Variants in ERBB4 observed in about 807,000 individuals in gnomAD.
ERBB4 encodes the protein erb-b2 receptor tyrosine kinase 4, also known as receptor tyrosine-protein kinase erbB-4.
ERBB4 carries 42 observed loss-of-function variants against 158.0 expected under a neutral mutation model. That is an observed-to-expected ratio of 0.27 (90% CI 0.21 to 0.34). The LOEUF (loss-of-function observed/expected upper bound fraction) is 0.34, where lower values mean the gene tolerates loss of function less well. ERBB4 is among the 10% of genes least tolerant of loss of function. The probability of loss-of-function intolerance (pLI) is 1.00; values close to 1 mark genes in which losing one functional copy is unlikely to be tolerated. For missense variants in ERBB4, 1,333 were observed against 1,624.1 expected (o/e 0.82, Z 3.08); for synonymous variants, 583 against 558.7 (o/e 1.04, Z -0.61).
At chr2:211,594,451 A>AAC (rs1184454593) in intron 19 of ERBB4, among the ~76,000 whole-genome samples, 4 of 150,584 alleles carry the variant, frequency 2.7e-5, no homozygotes, top group Admixed American at 1.3e-4. Context: ...CAAAAATAAC[A>AAC]AATAAAAAAA....
chr2:211,773,875 T>C (rs942333376), intron 4 of ERBB4, among the ~76,000 whole-genome samples: 9 of 151,574 alleles, frequency 5.9e-5, no homozygotes, highest in Non-Finnish European at 8.8e-5. Flanking sequence ...GAATCTTCAA[T>C]AGTGGCAACA....
chr2:211,608,867 G>T (rs2069083604), intron 19 of ERBB4, among the ~76,000 whole-genome samples: 1 of 152,092 alleles, frequency 6.6e-6, no homozygotes, highest in African/African-American at 2.4e-5. Context: ...CAGTTAATTT[G>T]GATGGAAATC....
At chr2:212,329,337 T>C (rs907003560) in intron 1 of ERBB4, among the ~76,000 whole-genome samples, 15 of 152,098 alleles carry the variant, frequency 9.9e-5, no homozygotes, top group South Asian at 8.3e-4. Context: ...CTTGAGACTA[T>C]AGAATTGCTT....
intron 25 of ERBB4, among the ~76,000 whole-genome samples, chr2:211,397,165 C>CATAG (rs1428683495): frequency 6.6e-6 from 1 of 151,938 alleles, no homozygotes; most frequent in African/African-American, 2.4e-5. Context: ...ACCTGTTGAC[C>CATAG]ATAGTCTAAG....
chr2:212,056,457 G>A (rs1288075893), intron 2 of ERBB4, among the ~76,000 whole-genome samples: 2 of 152,006 alleles, frequency 1.3e-5, no homozygotes, highest in Non-Finnish European at 2.9e-5. Flanking sequence ...GAGAAGAGCA[G>A]CTCCAAGACA....
intron 20 of ERBB4, among the ~76,000 whole-genome samples, chr2:211,477,934 G>A (rs1327208822): frequency 6.6e-6 from 1 of 152,084 alleles, no homozygotes; most frequent in African/African-American, 2.4e-5. Context: ...GACTATTCAG[G>A]TGGGTTGAGA....
chr2:211,457,915 C>G (rs1468840244), intron 20 of ERBB4, among the ~76,000 whole-genome samples: 1 of 152,220 alleles, frequency 6.6e-6, no homozygotes, highest in Non-Finnish European at 1.5e-5. Flanking sequence ...ATCACGTTAA[C>G]TCACAAAATT....
intron 20 of ERBB4, 109 bp from the exon 21 acceptor site, chr2:211,431,209 G>A: frequency 2.1e-6 from 2 of 938,274 alleles, no homozygotes; most frequent in South Asian, 1.4e-5. Flanking sequence ...TTTTTTAAGT[G>A]AAGCCAGAAT....
chr2:211,794,189 T>C (rs948007652), intron 3 of ERBB4, among the ~76,000 whole-genome samples: 1 of 151,966 alleles, frequency 6.6e-6, no homozygotes, highest in African/African-American at 2.4e-5. Flanking sequence ...AACTTATTAA[T>C]ACATACTTCA....
At chr2:212,065,717 TG>T (rs2077923604) in intron 2 of ERBB4, among the ~76,000 whole-genome samples, 1 of 152,058 alleles carries the variant, frequency 6.6e-6, no homozygotes, top group Admixed American at 6.6e-5. Context: ...AAGATCCCTC[TG>T]GGATATCAAG....
At chr2:211,696,334 C>T (rs1343555181) in intron 12 of ERBB4, among the ~76,000 whole-genome samples, 1 of 152,100 alleles carries the variant, frequency 6.6e-6, no homozygotes, top group Non-Finnish European at 1.5e-5. Context: ...TGATCTTGAA[C>T]TCCTGACTGC....
intron 20 of ERBB4, among the ~76,000 whole-genome samples, chr2:211,476,047 G>A (rs2064945274): frequency 6.6e-6 from 1 of 152,062 alleles, no homozygotes; most frequent in Non-Finnish European, 1.5e-5. Flanking sequence ...GTCTAAGGGA[G>A]TTCCAAAAAA....
chr2:212,040,035 G>T (rs1207548577), intron 2 of ERBB4, among the ~76,000 whole-genome samples: 7 of 150,930 alleles, frequency 4.6e-5, no homozygotes, highest in African/African-American at 1.7e-4. Context: ...TTTAGTTCAG[G>T]TATTTTTTTC....
intron 20 of ERBB4, among the ~76,000 whole-genome samples, chr2:211,527,929 G>A (rs1031276254): frequency 6.6e-6 from 1 of 151,842 alleles, no homozygotes; most frequent in Non-Finnish European, 1.5e-5. Context: ...CTAAAAGAAA[G>A]ACAGGAAAGA....
chr2:212,275,655 C>T (rs1299323685), intron 1 of ERBB4, among the ~76,000 whole-genome samples: 1 of 151,782 alleles, frequency 6.6e-6, no homozygotes, highest in African/African-American at 2.4e-5. Flanking sequence ...CCAGGCCTGC[C>T]TTACAAGAGC....
chr2:212,327,728 C>CTTTTTTTTTTTTTTTTTTTTTT (rs11413473), intron 1 of ERBB4, among the ~76,000 whole-genome samples: 1 of 133,372 alleles, frequency 7.5e-6, no homozygotes, highest in Non-Finnish European at 1.6e-5. Flanking sequence ...TTCTTTTTTT[C>CTTTTTTTTTTTTTTTTTTTTTT]TTTTTTTTTT....
At chr2:211,624,418 C>T (rs990330945) in intron 17 of ERBB4, among the ~76,000 whole-genome samples, 39 of 152,028 alleles carry the variant, frequency 2.6e-4, no homozygotes, top group Admixed American at 6.6e-5. Context: ...GGGAAAAAAA[C>T]GCACAATGCC....
At chr2:211,706,607 A>AC (rs1559439984) in intron 9 of ERBB4, among the ~76,000 whole-genome samples, 90 of 151,636 alleles carry the variant, frequency 5.9e-4, no homozygotes, top group African/African-American at 2.0e-3. Flanking sequence ...AAAACAAAAA[A>AC]AAAAAAAACA....
At chr2:211,492,780 GTAA>G (rs2125574792) in intron 20 of ERBB4, among the ~76,000 whole-genome samples, 1 of 152,198 alleles carries the variant, frequency 6.6e-6, no homozygotes, top group East Asian at 1.9e-4. Flanking sequence ...AACTATTGCG[GTAA>G]TAATAACATT....
Sources: allele counts gnomAD v4.1 joint callset (sites outside exome capture counted in the v4.1 genomes callset), GRCh38; gene constraint gnomAD v4.1.1; transcripts MANE v1.5; gene names NCBI Gene and HGNC (gene_info 2026-07-23, HGNC 2026-07-21).